The following SORCS3 variants were observed in gnomAD, a reference collection of about 807,000 sequenced individuals.
SORCS3 encodes the protein sortilin related VPS10 domain containing receptor 3.
A neutral mutation model predicts 146.3 loss-of-function variants in SORCS3; 57 were observed. The ratio of observed to expected loss-of-function variants is 0.39; its 90% CI spans 0.31 to 0.49. SORCS3 has a LOEUF of 0.49. Ranked by LOEUF, SORCS3 falls within the 20% of genes least tolerant of loss-of-function variation. The pLI is 0.92. For missense variants in SORCS3, 1,341 were observed against 1,575.5 expected (o/e 0.85, Z 2.52); for synonymous variants, 653 against 618.5 (o/e 1.06, Z -0.83).
chr10:105,025,188 G>T (rs1386609009), intron 4 of SORCS3, among the ~76,000 whole-genome samples: 4 of 152,138 alleles, frequency 2.6e-5, no homozygotes, highest in African/African-American at 9.7e-5. Context: ...GTGTTTTGTT[G>T]GTGGAGGCAA....
chr10:105,140,014 T>C (rs959544958), intron 8 of SORCS3, among the ~76,000 whole-genome samples: 54 of 152,336 alleles, frequency 3.5e-4, no homozygotes, highest in Admixed American at 9.8e-4. Context: ...ATTTTAACTC[T>C]TCTATTGAAA....
chr10:105,040,342 G>C (rs929414026), intron 4 of SORCS3, among the ~76,000 whole-genome samples: 8 of 152,148 alleles, frequency 5.3e-5, no homozygotes, highest in Non-Finnish European at 1.2e-4. Flanking sequence ...AGGACAGACA[G>C]ACAAACAGTG....
At chr10:105,051,440 C>A (rs1414682950) in intron 5 of SORCS3, among the ~76,000 whole-genome samples, 1 of 152,034 alleles carries the variant, frequency 6.6e-6, no homozygotes, top group Non-Finnish European at 1.5e-5. Flanking sequence ...TGGAATATAT[C>A]CTATAATTTG....
intron 3 of SORCS3, among the ~76,000 whole-genome samples, chr10:104,964,827 C>T (rs2054817253): frequency 1.3e-5 from 2 of 152,150 alleles, no homozygotes; most frequent in African/African-American, 4.8e-5. Context: ...TTCTTTTCAT[C>T]TTGCAAAACT....
intron 3 of SORCS3, among the ~76,000 whole-genome samples, chr10:104,948,723 G>A (rs894235009): frequency 7.9e-5 from 12 of 152,214 alleles, no homozygotes; most frequent in African/African-American, 2.7e-4. Context: ...CTGAAGGAGT[G>A]AAGATTTGAT....
intron 14 of SORCS3, among the ~76,000 whole-genome samples, chr10:105,198,006 A>C (rs2056553627): frequency 2.0e-5 from 3 of 152,174 alleles, no homozygotes; most frequent in African/African-American, 7.2e-5. Flanking sequence ...TAATGTCTTC[A>C]TTAGGTACTG....
intron 2 of SORCS3, among the ~76,000 whole-genome samples, chr10:104,872,076 A>G (rs1283514617): frequency 3.9e-5 from 6 of 152,178 alleles, no homozygotes; most frequent in Non-Finnish European, 7.3e-5. Flanking sequence ...TACACAAAGT[A>G]TACATACCCT....
intron 4 of SORCS3, among the ~76,000 whole-genome samples, chr10:105,036,653 G>T (rs1354887781): frequency 1.3e-5 from 2 of 152,178 alleles, no homozygotes; most frequent in African/African-American, 4.8e-5. Flanking sequence ...AGGAACTGAA[G>T]ACGCAGGTTG....
At chr10:105,117,259 C>T (rs1007348751) in intron 7 of SORCS3, among the ~76,000 whole-genome samples, 8 of 152,122 alleles carry the variant, frequency 5.3e-5, no homozygotes, top group Non-Finnish European at 1.0e-4. Context: ...CAGATCATTC[C>T]TCAACAAACA....
chr10:105,045,090 C>A (rs1206827231), intron 5 of SORCS3, among the ~76,000 whole-genome samples: 1 of 149,418 alleles, frequency 6.7e-6, no homozygotes, highest in Non-Finnish European at 1.5e-5. Flanking sequence ...GTTTCTGGAA[C>A]AAACTCTTGA....
At chr10:104,649,710 C>A (rs1301943463) in intron 1 of SORCS3, among the ~76,000 whole-genome samples, 1 of 152,158 alleles carries the variant, frequency 6.6e-6, no homozygotes, top group Non-Finnish European at 1.5e-5. Context: ...GACTGGGGAC[C>A]TGTATTCTTG....
Position 105,038,205 on chromosome 10 carries a change from G to T in SORCS3, c.955-4850G>T, listed in dbSNP as rs142742527. Reference sequence around the variant, plus strand: ...GTATCATGTGGCAGGATATGGAAGAGAACATGGCCTCATTTATGTAACTGT... The same window carrying T: ...GTATCATGTGGCAGGATATGGAAGATAACATGGCCTCATTTATGTAACTGT... On this transcript the variant is annotated intron_variant, in intron 4 of 26. Transcript: ENST00000369701. Among the ~76,000 whole-genome samples, 1,280 of 152,292 alleles carry T rather than the reference G, an allele frequency of 8.4e-3. 35 individuals are homozygous for T. The highest frequency in any genetic ancestry group is 0.049 in the Admixed American group (753 of 15,292).
intron 3 of SORCS3, among the ~76,000 whole-genome samples, chr10:104,971,766 G>A (rs1454688900): frequency 1.3e-5 from 2 of 152,156 alleles, no homozygotes; most frequent in Non-Finnish European, 1.5e-5. Context: ...GGGTTAAGGA[G>A]TGGTCACAGT....
chr10:105,095,467 G>A (rs528557807), intron 6 of SORCS3, among the ~76,000 whole-genome samples: 13 of 152,246 alleles, frequency 8.5e-5, no homozygotes, highest in Non-Finnish European at 1.6e-4. Context: ...TCAGCACTGC[G>A]TCCAGGTCTT....
chr10:104,954,764 G>A (rs867407551), intron 3 of SORCS3, among the ~76,000 whole-genome samples: 13 of 152,152 alleles, frequency 8.5e-5, no homozygotes, highest in Middle Eastern at 3.2e-3. Context: ...GTGGTGGCCC[G>A]TGCTACCTGT....
chr10:104,802,416 T>G (rs770963097), intron 1 of SORCS3, among the ~76,000 whole-genome samples: 1 of 152,232 alleles, frequency 6.6e-6, no homozygotes. Context: ...AAACCTGAAC[T>G]GATGGATCTC....
intron 1 of SORCS3, among the ~76,000 whole-genome samples, chr10:104,705,760 G>GCA (rs2016329450): frequency 6.6e-6 from 1 of 152,172 alleles, no homozygotes. Flanking sequence ...GCTCAGTGGA[G>GCA]CACAAGTTAA....
intron 2 of SORCS3, among the ~76,000 whole-genome samples, chr10:104,906,353 G>T (rs1305539148): frequency 6.6e-6 from 1 of 152,130 alleles, no homozygotes; most frequent in Non-Finnish European, 1.5e-5. Context: ...TGTGTCTTTT[G>T]GTAGCTTACT....
intron 3 of SORCS3, among the ~76,000 whole-genome samples, chr10:104,928,019 T>G (rs1337782908): frequency 2.0e-5 from 3 of 152,204 alleles, no homozygotes; most frequent in Non-Finnish European, 4.4e-5. Flanking sequence ...GAAGAAATTT[T>G]GGGATTTGGA....
Sources: gnomAD v4.1 joint callset for allele counts (sites outside exome capture counted in the v4.1 genomes callset) on GRCh38, gnomAD v4.1.1 for gene constraint, MANE v1.5 for transcripts, NCBI Gene and HGNC (gene_info 2026-07-23, HGNC 2026-07-21) for gene names.